The following CACNA1C variants were observed in gnomAD, a reference collection of about 807,000 sequenced individuals.
CACNA1C encodes calcium voltage-gated channel subunit alpha1 C.
CACNA1C carries 30 observed loss-of-function variants against 229.0 expected under a neutral mutation model. The ratio of observed to expected loss-of-function variants is 0.13; its 90% CI spans 0.10 to 0.18. The LOEUF (loss-of-function observed/expected upper bound fraction) is 0.18, where lower values mean the gene tolerates loss of function less well. CACNA1C is among the 10% of genes least tolerant of loss of function. The pLI is 1.00. For missense variants in CACNA1C, 1,658 were observed against 2,845.0 expected (o/e 0.58, Z 9.49); for synonymous variants, 1,114 against 1,132.5 (o/e 0.98, Z 0.33).
chr12:2,690,687 T>A (rs1182475550), intron 46 of CACNA1C: 6 of 530,458 alleles, frequency 1.1e-5, no homozygotes, highest in Non-Finnish European at 2.0e-5. Context: ...AGCCAAAACT[T>A]CTCTGGCCTG....
chr12:2,187,764 T>C (rs1334320162), intron 3 of CACNA1C, among the ~76,000 whole-genome samples: 1 of 152,228 alleles, frequency 6.6e-6, no homozygotes, highest in African/African-American at 2.4e-5. Context: ...GAAAGATTAC[T>C]AAGGAGCAAA....
At chr12:2,330,263 G>A (rs1436604857) in intron 3 of CACNA1C, among the ~76,000 whole-genome samples, 4 of 152,212 alleles carry the variant, frequency 2.6e-5, no homozygotes, top group South Asian at 4.1e-4. Context: ...GAAGACCTGC[G>A]TTCTCGTAGG....
intron 30 of CACNA1C, among the ~76,000 whole-genome samples, chr12:2,637,911 C>A (rs1322487516): frequency 6.6e-6 from 1 of 152,252 alleles, no homozygotes; most frequent in Non-Finnish European, 1.5e-5. Flanking sequence ...TCCACCCTAA[C>A]TTTCCTCCAA....
intron 3 of CACNA1C, among the ~76,000 whole-genome samples, chr12:2,279,947 A>G (rs1395187929): frequency 6.6e-6 from 1 of 152,222 alleles, no homozygotes; most frequent in Non-Finnish European, 1.5e-5. Flanking sequence ...CCTAGAATCA[A>G]TCCCCTACAG....
At chr12:2,106,868 G>T (rs2079044496) in intron 1 of CACNA1C, among the ~76,000 whole-genome samples, 2 of 72,010 alleles carry the variant, frequency 2.8e-5, no homozygotes, top group Admixed American at 1.3e-4. Context: ...CCTGGAGAGG[G>T]TTTCCACCTC....
chr12:2,519,114 C>T (rs1272952483), intron 9 of CACNA1C, among the ~76,000 whole-genome samples: 1 of 152,232 alleles, frequency 6.6e-6, no homozygotes, highest in Non-Finnish European at 1.5e-5. Flanking sequence ...GTCCCTCTGT[C>T]CCCCTAGCTC....
intron 3 of CACNA1C, among the ~76,000 whole-genome samples, chr12:2,341,225 G>A (rs2096853091): frequency 6.6e-6 from 1 of 152,216 alleles, no homozygotes; most frequent in Non-Finnish European, 1.5e-5. Flanking sequence ...TCCTGGCTGT[G>A]TGACTGGCAG....
At chr12:2,270,288 G>C (rs868254393) in intron 3 of CACNA1C, among the ~76,000 whole-genome samples, 3 of 152,328 alleles carry the variant, frequency 2.0e-5, no homozygotes, top group Middle Eastern at 3.4e-3. Context: ...CCTTGAGCCA[G>C]CTGTAATGAA....
In CACNA1C at chr12:2,602,865, C is replaced by A. The variant is rs1214937005; in HGVS notation, c.2960+905C>A. ...TTCAAAGCACTTCCACATACACATTCTTCTGTGGTCCTCACACACACAAAA... is the reference window on the plus strand; with the variant it reads ...TTCAAAGCACTTCCACATACACATTATTCTGTGGTCCTCACACACACAAAA... On this transcript the variant is annotated intron_variant, in intron 22 of 46. Transcript: ENST00000399655. This position sits in a 1 kb window ranked among gnomAD's most constrained non-coding sequence, Gnocchi z 4.4. Among the ~76,000 whole-genome samples the A allele has an allele frequency of 6.6e-6, 1 of 152,112 alleles. No homozygotes were observed. The highest frequency in any genetic ancestry group is 1.5e-5 in the Non-Finnish European group (1 of 68,012).
chr12:2,064,325 C>G (rs1015260484), intron 1 of CACNA1C, among the ~76,000 whole-genome samples: 1 of 152,194 alleles, frequency 6.6e-6, no homozygotes, highest in Non-Finnish European at 1.5e-5. Context: ...TCCAGGAGCA[C>G]CCATGTCTGT....
chr12:2,120,386 A>G lies in CACNA1C; in HGVS notation c.433A>G (p.Ile145Val). The change falls in exon 3 of 47, where the codon ATT (isoleucine) becomes GTT (valine). Residue 145 changes from isoleucine to valine, a missense_variant. Physicochemically the swap from Ile to Val is conservative, Grantham distance 29 (BLOSUM62 3). This residue lies in a region of CACNA1C where 89 missense variants were observed against 177.8 expected (regional missense o/e 0.50). Coordinates refer to ENST00000399655, the MANE Select transcript of CACNA1C (RefSeq NM_000719.7). ...CAATTGTGTGGCCTTAGCGATCTAT[A>G]TTCCCTTTCCAGAAGATGATTCCAA... ...FANCVALAIY[I>V]PFPEDDSNAT... is the part of the protein sequence containing the mutation. 1 of 1,611,728 alleles carries G rather than the reference A, an allele frequency of 6.2e-7. No homozygotes were observed. The highest frequency in any genetic ancestry group is 8.5e-7 in the Non-Finnish European group (1 of 1,177,804).
chr12:2,369,007 G>A (rs2097786156), intron 3 of CACNA1C, among the ~76,000 whole-genome samples: 1 of 152,134 alleles, frequency 6.6e-6, no homozygotes, highest in African/African-American at 2.4e-5. Flanking sequence ...GATATTTGTT[G>A]GGGCATAAAA....
Position 2,634,633 on chromosome 12 carries a change from C to G in CACNA1C, c.3912+253C>G, listed in dbSNP as rs143246668. On this transcript the variant is annotated intron_variant, in intron 30 of 46. Coordinates refer to ENST00000399655, the MANE Select transcript of CACNA1C (RefSeq NM_000719.7). ...GTTCTGATTGCTGCATCTTTTCTCTCTCCCATACAATCAGCCTGGCATGAC... is the reference window on the plus strand; with the variant it reads ...GTTCTGATTGCTGCATCTTTTCTCTGTCCCATACAATCAGCCTGGCATGAC... Among the ~76,000 whole-genome samples, 32 of 151,134 alleles carry G rather than the reference C, an allele frequency of 2.1e-4. No homozygotes were observed. The East Asian group carries it at 6.0e-3, about 28-fold the overall frequency.
chr12:2,446,057 G>C (rs1471571425), intron 3 of CACNA1C, among the ~76,000 whole-genome samples: 2 of 152,024 alleles, frequency 1.3e-5, no homozygotes, highest in African/African-American at 2.4e-5. Context: ...TGGATGGTGG[G>C]TGAGTGGATG....
intron 10 of CACNA1C, among the ~76,000 whole-genome samples, chr12:2,553,214 A>G (rs2042269288): frequency 6.6e-6 from 1 of 152,310 alleles, no homozygotes; most frequent in South Asian, 2.1e-4. Flanking sequence ...TCAGACTGAC[A>G]TCTCTGCAGA....
chr12:2,351,159 C>T (rs2097191148), intron 3 of CACNA1C, among the ~76,000 whole-genome samples: 1 of 152,196 alleles, frequency 6.6e-6, no homozygotes, highest in South Asian at 2.1e-4. Flanking sequence ...CTGGCCTGTG[C>T]ATGGTAGGAT....
chr12:2,455,809 C>G (rs1341287241), intron 4 of CACNA1C, among the ~76,000 whole-genome samples: 1 of 152,214 alleles, frequency 6.6e-6, no homozygotes, highest in African/African-American at 2.4e-5. Context: ...GCCGTTCTCT[C>G]CATGTCCCTG....
At chr12:2,206,491 T>C (rs1381089401) in intron 3 of CACNA1C, among the ~76,000 whole-genome samples, 1 of 152,162 alleles carries the variant, frequency 6.6e-6, no homozygotes, top group Non-Finnish European at 1.5e-5. Context: ...AAGTCACTTA[T>C]CCAGTCTGAG....
chr12:2,467,611 A>G lies in CACNA1C; in HGVS notation c.757+9905A>G, dbSNP rs532072247. On this transcript the variant is annotated intron_variant, in intron 5 of 46. Transcript: ENST00000399655. The surrounding 1 kb of genome is among the most constrained non-coding windows in gnomAD (Gnocchi z 4.6). The stretch of plus-strand genomic sequence containing the variant: ...AGCAGGGGGTGGCGGGGGGCCCTTC[A>G]CACTGCAGGAGGCTTGCCTCTAAGA... Among the ~76,000 whole-genome samples the G allele has an allele frequency of 1.5e-4, 23 of 152,222 alleles. 1 individual carries two copies. In the East Asian group the frequency reaches 4.3e-3, roughly 28 times the overall value.
Sources: gnomAD v4.1 joint callset for allele counts (sites outside exome capture counted in the v4.1 genomes callset) on GRCh38, gnomAD v4.1.1 for gene constraint, gnomAD v4.1.1 regional missense constraint, Gnocchi (gnomAD v3.1) non-coding constraint, MANE v1.5 for transcripts, NCBI Gene and HGNC (gene_info 2026-07-23, HGNC 2026-07-21) for gene names.